Variants in CALCRL observed in about 807,000 individuals in gnomAD.
CALCRL encodes calcitonin receptor like receptor.
A neutral mutation model predicts 60.4 loss-of-function variants in CALCRL; 27 were observed. The ratio of observed to expected loss-of-function variants is 0.45; its 90% CI spans 0.33 to 0.62. The LOEUF is 0.62. Among genes scored for constraint, CALCRL ranks in the 20% least tolerant of loss-of-function variants. The pLI, the probability that CALCRL is intolerant of heterozygous loss-of-function variation, is 0.03. For synonymous variants in CALCRL, 190 were observed against 182.6 expected, an observed-to-expected ratio of 1.04 and a Z score of -0.33; for missense variants, 424 against 540.7, an observed-to-expected ratio of 0.78 and a Z score of 2.14.
intron 1 of CALCRL, among the ~76,000 whole-genome samples, chr2:187,438,782 A>T (rs1365411908): frequency 1.3e-5 from 2 of 152,216 alleles, no homozygotes; most frequent in African/African-American, 4.8e-5. Flanking sequence ...ATTTAGTAAA[A>T]TCTGAACACT....
intron 1 of CALCRL, among the ~76,000 whole-genome samples, chr2:187,390,216 G>T (rs372419814): frequency 1.3e-5 from 2 of 152,120 alleles, no homozygotes; most frequent in East Asian, 1.9e-4. Flanking sequence ...TTTCTGTACT[G>T]CATTTGGAAG....
At chr2:187,431,185 T>A (rs1690388452) in intron 1 of CALCRL, 2 of 154,670 alleles carry the variant, frequency 1.3e-5, no homozygotes, top group South Asian at 4.1e-4. Flanking sequence ...TATATGCCTT[T>A]CCGTGAAATA....
At chr2:187,363,308 A>G (rs780585473) in intron 9 of CALCRL, 68 bp downstream of exon 9, 3 of 1,471,554 alleles carry the variant, frequency 2.0e-6, no homozygotes, top group East Asian at 2.3e-5. Context: ...CACATTATGC[A>G]TATATCAGCC....
intron 4 of CALCRL, among the ~76,000 whole-genome samples, chr2:187,383,794 CATG>C (rs1433442158): frequency 6.6e-6 from 1 of 152,012 alleles, no homozygotes; most frequent in Non-Finnish European, 1.5e-5. Flanking sequence ...TTGCCATTGT[CATG>C]ATATTTTGAT....
chr2:187,387,497 G>C lies in CALCRL; in HGVS notation c.-201-4C>G. ...TGGGTTTTTATTATTAGACGATCTT[G>C]AGAAAAATATAACCAAAATACCATG... On this transcript the variant is annotated splice_polypyrimidine_tract_variant and splice_region_variant and intron_variant, in intron 2 of 14. Transcript: ENST00000392370. The C allele has an allele frequency of 3.2e-6, 1 of 315,782 alleles. No individual in the cohort carries two copies. The highest frequency in any genetic ancestry group is 5.7e-6 in the Non-Finnish European group (1 of 175,948). The allele number at this position is 315,782 out of a possible 1,614,324, so 19.6% of individuals were successfully genotyped here. A position where few individuals can be genotyped will look rare whatever the true frequency, so the allele number is the denominator to read the frequency against.
At chr2:187,375,449 A>G (rs1004330180) in intron 8 of CALCRL, among the ~76,000 whole-genome samples, 1 of 152,090 alleles carries the variant, frequency 6.6e-6, no homozygotes, top group Admixed American at 6.5e-5. Flanking sequence ...TATTTGAAAA[A>G]CATATTTTTT....
chr2:187,409,985 G>T (rs2105845006), intron 1 of CALCRL, among the ~76,000 whole-genome samples: 1 of 152,300 alleles, frequency 6.6e-6, no homozygotes, highest in African/African-American at 2.4e-5. Context: ...GGAGTTTGAT[G>T]ACTTGTTAAA....
chr2:187,417,949 G>A (rs1689689681), intron 1 of CALCRL, among the ~76,000 whole-genome samples: 1 of 152,124 alleles, frequency 6.6e-6, no homozygotes, highest in Admixed American at 6.5e-5. Context: ...AGTGTCAAGT[G>A]TTTACTTCTT....
At position 187,414,889 on chromosome 2, in the gene CALCRL, TA is replaced by T. The variant is rs3053232; in HGVS notation, c.-292-27134del. Among the ~76,000 whole-genome samples, 572 of 146,446 alleles carry T rather than the reference TA, an allele frequency of 3.9e-3. 3 individuals carry two copies. The highest frequency in any genetic ancestry group is 7.9e-3 in the African/African-American group (303 of 38,412). ...CACCAGAAAATTATTTTTTTTTTTT[TA>T]AAAAAAAAAAGGTAGTCTCTTTTTT... On this transcript the variant is annotated intron_variant, in intron 1 of 14. Transcript: ENST00000392370.
chr2:187,379,098 T>A, intron 7 of CALCRL, 67 bp from the exon 8 acceptor site: 1 of 758,052 alleles, frequency 1.3e-6, no homozygotes, highest in South Asian at 1.6e-5. Context: ...ATCCCACACA[T>A]GCAGAAGTTC....
intron 1 of CALCRL, among the ~76,000 whole-genome samples, chr2:187,447,003 ATTTGACATCAAAC>A (rs1691220999): frequency 6.6e-6 from 1 of 152,018 alleles, no homozygotes; most frequent in Non-Finnish European, 1.5e-5. Context: ...ATCATTTAAA[ATTTGACATCAAAC>A]TTTCTCCAGC....
chr2:187,395,940 A>G (rs1284100247), intron 1 of CALCRL, among the ~76,000 whole-genome samples: 1 of 151,892 alleles, frequency 6.6e-6, no homozygotes, highest in Non-Finnish European at 1.5e-5. Context: ...AAAGAAAAAA[A>G]TGATTGTTAT....
intron 1 of CALCRL, among the ~76,000 whole-genome samples, chr2:187,420,114 T>C (rs976280937): frequency 6.6e-6 from 1 of 152,176 alleles, no homozygotes; most frequent in Admixed American, 6.5e-5. Context: ...GACAAGAACA[T>C]TAAAAAATCA....
At chr2:187,374,811 CTACTTTGCGTAG>C (rs1350428413) in intron 8 of CALCRL, among the ~76,000 whole-genome samples, 1 of 152,076 alleles carries the variant, frequency 6.6e-6, no homozygotes, top group East Asian at 1.9e-4. Flanking sequence ...CTATATGAGT[CTACTTTGCGTAG>C]TATTTTCAAT....
At chr2:187,360,560 A>G in intron 10 of CALCRL, 38 bp downstream of exon 10, 1 of 1,546,172 alleles carries the variant, frequency 6.5e-7, no homozygotes, top group Non-Finnish European at 8.7e-7. Flanking sequence ...AGGCTTCTTT[A>G]ATCCACTGAA....
At chr2:187,347,392 C>T (rs1686328135) in intron 14 of CALCRL, among the ~76,000 whole-genome samples, 1 of 151,802 alleles carries the variant, frequency 6.6e-6, no homozygotes, top group Non-Finnish European at 1.5e-5. Context: ...TGGTCTTCCC[C>T]AAGCTCTCTA....
intron 1 of CALCRL, among the ~76,000 whole-genome samples, chr2:187,397,054 C>T (rs1010995916): frequency 8.6e-5 from 13 of 151,680 alleles, no homozygotes; most frequent in African/African-American, 2.7e-4. Flanking sequence ...TTCTGCAAAA[C>T]AACTCCTACA....
chr2:187,364,803 C>T (rs1466138901), intron 8 of CALCRL, among the ~76,000 whole-genome samples: 2 of 152,066 alleles, frequency 1.3e-5, no homozygotes, highest in East Asian at 3.9e-4. Flanking sequence ...CAATATATTC[C>T]TTCTACAAGA....
intron 1 of CALCRL, among the ~76,000 whole-genome samples, chr2:187,440,042 T>G (rs1690819736): frequency 6.6e-6 from 1 of 152,106 alleles, no homozygotes; most frequent in Admixed American, 6.6e-5. Flanking sequence ...TACTCCCTCA[T>G]ACTATTATTA....
Sources: allele counts gnomAD v4.1 joint callset (sites outside exome capture counted in the v4.1 genomes callset), GRCh38; gene constraint gnomAD v4.1.1; transcripts MANE v1.5; gene names NCBI Gene and HGNC (gene_info 2026-07-23, HGNC 2026-07-21).